Variants in ASTN1 observed in about 807,000 individuals in gnomAD.
ASTN1 encodes astrotactin 1.
In ASTN1, 41 loss-of-function variants were observed where a neutral mutation model predicts 140.7. The ratio of observed to expected loss-of-function variants is 0.29; its 90% CI spans 0.23 to 0.38. ASTN1 has a LOEUF of 0.38. Ranked by LOEUF, ASTN1 falls within the 10% of genes least tolerant of loss-of-function variation. The pLI is 1.00. For synonymous variants in ASTN1, 640 were observed against 652.2 expected, an observed-to-expected ratio of 0.98 and a Z score of 0.29; for missense variants, 1,479 against 1,678.8, an observed-to-expected ratio of 0.88 and a Z score of 2.08.
At chr1:177,147,040 T>TAA (rs575884364) in intron 1 of ASTN1, among the ~76,000 whole-genome samples, 4 of 151,106 alleles carry the variant, frequency 2.6e-5, no homozygotes, top group African/African-American at 9.7e-5. Context: ...TGGATTTTTT[T>TAA]AAAAAAAAAC....
intron 7 of ASTN1, among the ~76,000 whole-genome samples, chr1:177,018,499 G>T (rs183913645): frequency 1.1e-3 from 174 of 152,296 alleles, no homozygotes; most frequent in African/African-American, 4.1e-3. Context: ...CACATGGTTG[G>T]GTCTGGCCTA....
chr1:176,958,808 C>G (rs1318246812), intron 9 of ASTN1, among the ~76,000 whole-genome samples: 1 of 152,192 alleles, frequency 6.6e-6, no homozygotes, highest in East Asian at 1.9e-4. Flanking sequence ...TAATTGGAAG[C>G]ATTTTAATTG....
intron 1 of ASTN1, among the ~76,000 whole-genome samples, chr1:177,153,115 G>T (rs1189761146): frequency 6.6e-6 from 1 of 152,132 alleles, no homozygotes; most frequent in African/African-American, 2.4e-5. Context: ...AATGGAAGGT[G>T]CCTGGGTTGT....
chr1:176,872,532 A>G (rs1668392031), intron 21 of ASTN1, among the ~76,000 whole-genome samples: 1 of 152,218 alleles, frequency 6.6e-6, no homozygotes, highest in African/African-American at 2.4e-5. Context: ...AGGATTTGCC[A>G]ATGGGTTGGA....
intron 8 of ASTN1, among the ~76,000 whole-genome samples, chr1:177,003,414 C>T (rs1674836613): frequency 6.6e-6 from 1 of 151,982 alleles, no homozygotes; most frequent in South Asian, 2.1e-4. Context: ...TCAATAGATG[C>T]AGAAAAAATT....
chr1:177,014,705 TC>T, intron 8 of ASTN1, 85 bp downstream of exon 8: 1 of 1,278,226 alleles, frequency 7.8e-7, no homozygotes, highest in Non-Finnish European at 1.1e-6. Flanking sequence ...TTAGCTCTAT[TC>T]CTCTCCATGC....
chr1:176,907,128 G>A (rs142048427), intron 16 of ASTN1, among the ~76,000 whole-genome samples: 190 of 152,230 alleles, frequency 1.2e-3, no homozygotes, highest in Admixed American at 2.2e-3. Flanking sequence ...TTCTATTATT[G>A]TATGACCTGA....
chr1:177,080,569 G>A (rs1357476212), intron 1 of ASTN1, among the ~76,000 whole-genome samples: 3 of 152,184 alleles, frequency 2.0e-5, no homozygotes, highest in African/African-American at 4.8e-5. Flanking sequence ...GAAAATATGA[G>A]GTTAATTGAC....
chr1:176,942,523 T>C (rs1463826738), intron 14 of ASTN1, among the ~76,000 whole-genome samples: 1 of 151,682 alleles, frequency 6.6e-6, no homozygotes, highest in African/African-American at 2.4e-5. Context: ...GAGAGGAAGG[T>C]GTGAAAGGAA....
intron 1 of ASTN1, among the ~76,000 whole-genome samples, chr1:177,064,899 G>T (rs114881326): frequency 6.6e-6 from 1 of 152,226 alleles, no homozygotes. Context: ...ACAGGGCACA[G>T]TAAGTGTCTT....
At chr1:176,883,140 C>A (rs1342531732) in intron 19 of ASTN1, 146 bp from the exon 20 acceptor site, 30 of 1,185,990 alleles carry the variant, frequency 2.5e-5, no homozygotes, top group Non-Finnish European at 3.4e-5. Context: ...GAAGGAATGG[C>A]CTTTTCTATT....
chr1:177,097,526 T>C (rs1680082430), intron 1 of ASTN1, among the ~76,000 whole-genome samples: 2 of 152,230 alleles, frequency 1.3e-5, no homozygotes, highest in South Asian at 4.1e-4. Flanking sequence ...CATGATAAAA[T>C]AAAAACTATA....
At chr1:177,083,756 C>T (rs949023489) in intron 1 of ASTN1, among the ~76,000 whole-genome samples, 22 of 152,136 alleles carry the variant, frequency 1.4e-4, no homozygotes, top group African/African-American at 5.1e-4. Context: ...GACAACTACT[C>T]TCAGTGGTAA....
At chr1:176,916,465 C>T (rs1158644715) in intron 16 of ASTN1, among the ~76,000 whole-genome samples, 3 of 152,170 alleles carry the variant, frequency 2.0e-5, no homozygotes, top group Non-Finnish European at 2.9e-5. Flanking sequence ...AAGATCTCTA[C>T]ATTCTTACTT....
intron 1 of ASTN1, among the ~76,000 whole-genome samples, chr1:177,102,553 G>GA (rs1005350014): frequency 2.0e-5 from 3 of 151,114 alleles, no homozygotes; most frequent in African/African-American, 4.9e-5. Context: ...CAAATGCAGG[G>GA]AAAAAAAACA....
chr1:176,920,130 A>G (rs1178489138), intron 16 of ASTN1, among the ~76,000 whole-genome samples: 1 of 152,196 alleles, frequency 6.6e-6, no homozygotes, highest in Non-Finnish European at 1.5e-5. Flanking sequence ...TTAATTCTAA[A>G]TGAGTGGAAT....
intron 9 of ASTN1, among the ~76,000 whole-genome samples, chr1:176,964,939 G>A (rs180952452): frequency 6.6e-5 from 10 of 152,244 alleles, no homozygotes; most frequent in Admixed American, 6.5e-4. Context: ...GGTTCCCAGA[G>A]CTGGCAAAGA....
rs1680316735 is a variant in ASTN1 at position 177,101,865 on chromosome 1, T to A, written c.284-40600A>T. On this transcript the variant is annotated intron_variant, in intron 1 of 22. Coordinates refer to ENST00000361833, the MANE Select transcript of ASTN1 (RefSeq NM_004319.3). ...CCTCATCATTGATTATGAAACTGGTTACAAGCCTGCAAATGAGAATCCCAA... is the reference window on the plus strand; with the variant it reads ...CCTCATCATTGATTATGAAACTGGTAACAAGCCTGCAAATGAGAATCCCAA... Among the ~76,000 whole-genome samples the A allele has an allele frequency of 2.0e-5, 3 of 152,304 alleles. No individual in the cohort carries two copies. The South Asian group carries it at 6.2e-4, about 32-fold the overall frequency.
chr1:177,081,174 TAGAAAAAACATAACCTGGAGGA>T (rs1379594806), intron 1 of ASTN1, among the ~76,000 whole-genome samples: 21 of 151,932 alleles, frequency 1.4e-4, no homozygotes, highest in African/African-American at 4.6e-4. Context: ...CAACACAGAG[TAGAAAAAACATAACCTGGAGGA>T]AGAAAGGTCA....
Sources: allele counts gnomAD v4.1 joint callset (sites outside exome capture counted in the v4.1 genomes callset), GRCh38; gene constraint gnomAD v4.1.1; transcripts MANE v1.5; gene names NCBI Gene and HGNC (gene_info 2026-07-23, HGNC 2026-07-21).